KALRN: variants seen among roughly 807,000 people sequenced by gnomAD.
KALRN encodes the protein kalirin.
In KALRN, 70 loss-of-function variants were observed where a neutral mutation model predicts 353.7. That is an observed-to-expected ratio of 0.20 (90% CI 0.16 to 0.24). The LOEUF (loss-of-function observed/expected upper bound fraction) is 0.24, where lower values mean the gene tolerates loss of function less well. Ranked by LOEUF, KALRN falls within the 10% of genes least tolerant of loss-of-function variation. The pLI is 1.00. For synonymous variants in KALRN, 1,391 were observed against 1,434.8 expected (o/e 0.97, Z 0.69); for missense variants, 2,791 against 3,756.7 (o/e 0.74, Z 6.72).
At chr3:124,300,617 G>T (rs1321657357) in intron 6 of KALRN, among the ~76,000 whole-genome samples, 1 of 152,216 alleles carries the variant, frequency 6.6e-6, no homozygotes, top group Non-Finnish European at 1.5e-5. Flanking sequence ...ATTTGAAGTG[G>T]CTGGGGACAT....
intron 6 of KALRN, among the ~76,000 whole-genome samples, chr3:124,306,860 A>G (rs771357301): frequency 6.8e-4 from 104 of 152,318 alleles, no homozygotes; most frequent in Admixed American, 1.4e-3. Flanking sequence ...AAAGTGCTCA[A>G]AGGAAACAAC....
intron 34 of KALRN, among the ~76,000 whole-genome samples, chr3:124,570,347 T>A (rs2073372276): frequency 6.6e-6 from 1 of 152,192 alleles, no homozygotes; most frequent in Non-Finnish European, 1.5e-5. Flanking sequence ...GATCCTTCAA[T>A]CCTCTTCATT....
intron 34 of KALRN, among the ~76,000 whole-genome samples, chr3:124,626,699 C>T (rs975443552): frequency 1.3e-5 from 2 of 152,192 alleles, no homozygotes; most frequent in African/African-American, 4.8e-5. Flanking sequence ...TGCCTAGATG[C>T]TGGTACTAGT....
chr3:124,594,311 C>T (rs984464363), intron 34 of KALRN, among the ~76,000 whole-genome samples: 2 of 152,182 alleles, frequency 1.3e-5, no homozygotes, highest in African/African-American at 4.8e-5. Context: ...CTGCAACCTC[C>T]GTTTCCTGGG....
At chr3:124,379,406 A>AT (rs1012854424) in intron 10 of KALRN, among the ~76,000 whole-genome samples, 2 of 151,824 alleles carry the variant, frequency 1.3e-5, no homozygotes, top group African/African-American at 2.4e-5. Context: ...ACGCCTGGTA[A>AT]TTTTTTACTA....
chr3:124,618,139 C>T lies in KALRN; in HGVS notation c.5183-14281C>T, dbSNP rs756798885. ...TTTTTTTTTTTTTGAGATGGAGTCT[C>T]GCTCTGTCTCCCAGGCTGGAGTGCA... On this transcript the variant is annotated intron_variant, in intron 34 of 59. Transcript: ENST00000682506. Among the ~76,000 whole-genome samples, 348 of 107,434 alleles carry T rather than the reference C, an allele frequency of 3.2e-3. 4 individuals are homozygous for T. Among genetic ancestry groups the T allele is most frequent in the Non-Finnish European group, 2.5e-3 (148 of 58,424 alleles). 70.5% of individuals were successfully genotyped at this position (107,434 alleles called of 152,430 possible).
Position 124,144,100 on chromosome 3 carries a change from T to A in KALRN, c.74-83890T>A, listed in dbSNP as rs999333710. ...CCTATGTTCATCTCCTTCCAAACATTCCCAAATAGCATCCCAAATTGACTC... is the reference window on the plus strand; with the variant it reads ...CCTATGTTCATCTCCTTCCAAACATACCCAAATAGCATCCCAAATTGACTC... On this transcript the variant is annotated intron_variant, in intron 1 of 59. Transcript: ENST00000682506. Among the ~76,000 whole-genome samples the A allele has an allele frequency of 4.6e-5, 7 of 152,194 alleles. No individual in the cohort carries two copies. The East Asian group carries it at 1.2e-3, about 25-fold the overall frequency.
intron 29 of KALRN, among the ~76,000 whole-genome samples, chr3:124,490,251 A>T (rs1162331119): frequency 6.6e-6 from 1 of 152,178 alleles, no homozygotes; most frequent in East Asian, 1.9e-4. Flanking sequence ...TAATAAGAAG[A>T]ATTAAGGTAA....
intron 26 of KALRN, among the ~76,000 whole-genome samples, chr3:124,474,971 A>T (rs2061303516): frequency 6.6e-6 from 1 of 152,054 alleles, no homozygotes; most frequent in Non-Finnish European, 1.5e-5. Context: ...CAAGACTACC[A>T]CCCCTGGCAG....
At chr3:124,400,483 G>T (rs1291198300) in intron 13 of KALRN, among the ~76,000 whole-genome samples, 2 of 152,150 alleles carry the variant, frequency 1.3e-5, no homozygotes, top group East Asian at 1.9e-4. Context: ...AACCTTAGGA[G>T]AATTTATTTA....
At chr3:124,210,726 C>A (rs1234839323) in intron 1 of KALRN, among the ~76,000 whole-genome samples, 1 of 152,198 alleles carries the variant, frequency 6.6e-6, no homozygotes, top group African/African-American at 2.4e-5. Flanking sequence ...AATCCCACAA[C>A]CATGACTCAG....
At chr3:124,047,146 A>G in intron 1 of KALRN, among the ~76,000 whole-genome samples, 1 of 152,326 alleles carries the variant, frequency 6.6e-6, no homozygotes, top group East Asian at 1.9e-4. Context: ...GGAAAAATAA[A>G]TATTCACTCT....
At chr3:124,576,876 A>T (rs1263122873) in intron 34 of KALRN, among the ~76,000 whole-genome samples, 1 of 152,206 alleles carries the variant, frequency 6.6e-6, no homozygotes, top group Non-Finnish European at 1.5e-5. Context: ...TGGCACTCTT[A>T]TACTGCCCTA....
chr3:124,174,774 G>C (rs571529285), intron 1 of KALRN, among the ~76,000 whole-genome samples: 1 of 152,352 alleles, frequency 6.6e-6, no homozygotes, highest in South Asian at 2.1e-4. Flanking sequence ...CAGAGAAGGA[G>C]AGCTTTCCCA....
intron 45 of KALRN, among the ~76,000 whole-genome samples, chr3:124,665,501 G>T (rs1342136685): frequency 6.6e-6 from 1 of 152,076 alleles, no homozygotes; most frequent in South Asian, 2.1e-4. Flanking sequence ...ATCTCACTCT[G>T]TTGCCCAGGT....
rs1030943036 is a variant in KALRN at position 124,059,787 on chromosome 3, G to A, written c.73+25974G>A. Among the ~76,000 whole-genome samples the A allele has an allele frequency of 3.3e-5, 5 of 152,320 alleles. No individual in the cohort carries two copies. In the East Asian group the frequency reaches 5.8e-4, roughly 18 times the overall value. The stretch of plus-strand genomic sequence containing the variant: ...ATATGACGTCATTTAAAGGAATGGA[G>A]TGTGGTTTAAGGTTGAAACTGAGAG... On this transcript the variant is annotated intron_variant, in intron 1 of 59. Transcript: ENST00000682506.
chr3:124,550,140 A>G (rs751604581), intron 33 of KALRN, among the ~76,000 whole-genome samples: 29 of 152,218 alleles, frequency 1.9e-4, no homozygotes, highest in Non-Finnish European at 2.5e-4. Context: ...GAGACAAAGG[A>G]AAGACTTAAT....
chr3:124,602,938 TG>T (rs752765074), intron 34 of KALRN, among the ~76,000 whole-genome samples: 83,409 of 149,498 alleles, frequency 0.56, 23,331 homozygotes, highest in East Asian at 0.83. Context: ...CCAGTTTTCG[TG>T]GTTTTTTTTT....
chr3:124,502,397 G>T (rs2064695445), intron 33 of KALRN, among the ~76,000 whole-genome samples: 1 of 152,198 alleles, frequency 6.6e-6, no homozygotes. Flanking sequence ...TCGGTTGTGA[G>T]CTGTGAGCAG....
Sources: allele counts gnomAD v4.1 joint callset (sites outside exome capture counted in the v4.1 genomes callset), GRCh38; gene constraint gnomAD v4.1.1; transcripts MANE v1.5; gene names NCBI Gene and HGNC (gene_info 2026-07-23, HGNC 2026-07-21).